GRID1: variants seen among roughly 807,000 people sequenced by gnomAD.
The protein encoded by GRID1 is glutamate ionotropic receptor delta type subunit 1, also known as glutamate receptor ionotropic, delta-1.
In GRID1, 28 loss-of-function variants were observed where a neutral mutation model predicts 98.0. That is an observed-to-expected ratio of 0.29 (90% CI 0.21 to 0.39). GRID1 has a LOEUF of 0.39. Ranked by LOEUF, GRID1 falls within the 10% of genes least tolerant of loss-of-function variation. GRID1 has a pLI of 1.00. For synonymous variants in GRID1, 553 were observed against 538.5 expected (o/e 1.03, Z -0.37); for missense variants, 1,111 against 1,340.5 (o/e 0.83, Z 2.67).
intron 6 of GRID1, among the ~76,000 whole-genome samples, chr10:85,866,805 G>A (rs1843225727): frequency 6.6e-6 from 1 of 152,156 alleles, no homozygotes; most frequent in Non-Finnish European, 1.5e-5. Context: ...AGAGTTATCA[G>A]GATTTGAACC....
At chr10:86,262,341 C>T (rs1847028894) in intron 2 of GRID1, among the ~76,000 whole-genome samples, 2 of 152,222 alleles carry the variant, frequency 1.3e-5, no homozygotes, top group Non-Finnish European at 2.9e-5. Context: ...CAGCCAGGGG[C>T]TTACTAGGCA....
chr10:86,249,275 G>T (rs1372696064), intron 2 of GRID1, among the ~76,000 whole-genome samples: 1 of 152,204 alleles, frequency 6.6e-6, no homozygotes, highest in East Asian at 1.9e-4. Flanking sequence ...AGACCTGGGA[G>T]ATCAGAGAGG....
intron 8 of GRID1, among the ~76,000 whole-genome samples, chr10:85,740,416 T>C (rs1431963364): frequency 6.6e-6 from 1 of 152,220 alleles, no homozygotes; most frequent in African/African-American, 2.4e-5. Flanking sequence ...AATGACCCTA[T>C]GTACACTATA....
chr10:85,931,719 T>G (rs1228331320), intron 4 of GRID1, among the ~76,000 whole-genome samples: 2 of 152,238 alleles, frequency 1.3e-5, no homozygotes, highest in East Asian at 3.9e-4. Context: ...TATCCCTTTG[T>G]GTTGTACTCT....
intron 12 of GRID1, among the ~76,000 whole-genome samples, chr10:85,669,682 G>A (rs757100219): frequency 4.6e-5 from 7 of 152,162 alleles, no homozygotes; most frequent in Non-Finnish European, 1.0e-4. Context: ...AGGCTGTCTA[G>A]GGAAGGACTG....
At chr10:85,857,477 G>A (rs1228033027) in intron 6 of GRID1, among the ~76,000 whole-genome samples, 3 of 152,100 alleles carry the variant, frequency 2.0e-5, no homozygotes, top group African/African-American at 7.2e-5. Flanking sequence ...GAGAAGGACA[G>A]CTCTGTTCTC....
intron 8 of GRID1, among the ~76,000 whole-genome samples, chr10:85,759,551 T>C (rs1249893116): frequency 6.6e-6 from 1 of 152,224 alleles, no homozygotes; most frequent in Non-Finnish European, 1.5e-5. Flanking sequence ...CAACTCTCAC[T>C]AATCAGAGAG....
chr10:85,613,203 A>G, intron 15 of GRID1: 2 of 616,214 alleles, frequency 3.2e-6, no homozygotes, highest in Non-Finnish European at 2.8e-6. Flanking sequence ...ACTTTGTTCA[A>G]GCATGAAAAC....
chr10:85,920,326 G>A (rs1471045742), intron 4 of GRID1, among the ~76,000 whole-genome samples: 1 of 152,194 alleles, frequency 6.6e-6, no homozygotes, highest in African/African-American at 2.4e-5. Flanking sequence ...TTCCAGCCCA[G>A]GAAGGCTCTC....
chr10:85,624,096 G>A (rs1842885035), intron 13 of GRID1, among the ~76,000 whole-genome samples: 1 of 152,196 alleles, frequency 6.6e-6, no homozygotes, highest in African/African-American at 2.4e-5. Flanking sequence ...ACAGGTGGCT[G>A]TGGGGAGTTG....
At position 85,949,676 on chromosome 10, in the gene GRID1, T is replaced by C. The variant is rs985763262; in HGVS notation, c.727-33437A>G. ...CATCTCCAAAGACTAACTATAATTT[T>C]GAACACATTATTTAACCTCCCTGAA... On this transcript the variant is annotated intron_variant, in intron 4 of 15. Transcript: ENST00000327946. 2.0e-5 allele frequency among the ~76,000 whole-genome samples: 3 copies of C among 152,318 alleles called. No homozygotes were observed. The East Asian group carries it at 5.8e-4, about 29-fold the overall frequency.
chr10:86,023,105 C>T (rs1421681599), intron 4 of GRID1, among the ~76,000 whole-genome samples: 5 of 152,014 alleles, frequency 3.3e-5, no homozygotes, highest in Non-Finnish European at 5.9e-5. Context: ...GTCCCTGTAA[C>T]TCCTCACGCT....
intron 3 of GRID1, among the ~76,000 whole-genome samples, chr10:86,184,884 T>C (rs1845707443): frequency 6.6e-6 from 1 of 152,076 alleles, no homozygotes; most frequent in South Asian, 2.1e-4. Flanking sequence ...TGTAGTCATG[T>C]AGTGAAATCG....
At chr10:86,243,212 G>A (rs773010662) in intron 2 of GRID1, among the ~76,000 whole-genome samples, 1 of 152,210 alleles carries the variant, frequency 6.6e-6, no homozygotes, top group South Asian at 2.1e-4. Context: ...AAGAGGAAGA[G>A]GACCTGCCAG....
chr10:86,355,024 G>A (rs1171402427), intron 2 of GRID1, among the ~76,000 whole-genome samples: 1 of 152,220 alleles, frequency 6.6e-6, no homozygotes, highest in Non-Finnish European at 1.5e-5. Context: ...GGAAGTGAGA[G>A]GAGGACAAGT....
intron 5 of GRID1, among the ~76,000 whole-genome samples, chr10:85,878,503 T>A (rs1415183812): frequency 6.6e-6 from 1 of 152,214 alleles, no homozygotes; most frequent in Non-Finnish European, 1.5e-5. Context: ...ATCCAGAATT[T>A]CATATCCAGC....
At chr10:85,875,919 T>C (rs1843324994) in intron 5 of GRID1, among the ~76,000 whole-genome samples, 2 of 152,254 alleles carry the variant, frequency 1.3e-5, no homozygotes, top group African/African-American at 4.8e-5. Context: ...TCTGGGGTCA[T>C]CTTCCTTCTC....
chr10:86,302,231 C>T (rs926745279), intron 2 of GRID1, among the ~76,000 whole-genome samples: 1 of 152,248 alleles, frequency 6.6e-6, no homozygotes, highest in Non-Finnish European at 1.5e-5. Flanking sequence ...TTGAGACTCA[C>T]TCCACAGGGG....
intron 12 of GRID1, among the ~76,000 whole-genome samples, chr10:85,669,104 G>C (rs1010958974): frequency 6.6e-6 from 1 of 152,214 alleles, no homozygotes; most frequent in African/African-American, 2.4e-5. Flanking sequence ...GCCTGAGTAA[G>C]CATGTGGCCC....
Sources: allele counts gnomAD v4.1 joint callset (sites outside exome capture counted in the v4.1 genomes callset), GRCh38; gene constraint gnomAD v4.1.1; transcripts MANE v1.5; gene names NCBI Gene and HGNC (gene_info 2026-07-23, HGNC 2026-07-21).